KLF12: variants seen among roughly 807,000 people sequenced by gnomAD.
KLF12 encodes the protein KLF transcription factor 12.
KLF12 carries 9 observed loss-of-function variants against 37.8 expected under a neutral mutation model. The ratio of observed to expected loss-of-function variants is 0.24; its 90% CI spans 0.14 to 0.42. The LOEUF is 0.42. Ranked by LOEUF, KLF12 falls within the 10% of genes least tolerant of loss-of-function variation. The probability of loss-of-function intolerance (pLI) is 1.00; values close to 1 mark genes in which losing one functional copy is unlikely to be tolerated. For missense variants in KLF12, 411 were observed against 516.0 expected, an observed-to-expected ratio of 0.80 and a Z score of 1.97; for synonymous variants, 208 against 202.1, an observed-to-expected ratio of 1.03 and a Z score of -0.25.
intron 3 of KLF12, among the ~76,000 whole-genome samples, chr13:73,885,772 C>T (rs1887190752): frequency 6.6e-6 from 1 of 152,160 alleles, no homozygotes. Flanking sequence ...AAACCTGGTA[C>T]ACAGAGAATA....
At chr13:74,212,268 A>G in the KLF12 span, among the ~76,000 whole-genome samples, 2 of 152,330 alleles carry the variant, frequency 1.3e-5, no homozygotes, top group Non-Finnish European at 2.9e-5. Flanking sequence ...TAATTATATC[A>G]TTAAAACAGT....
chr13:73,849,119 A>C (rs2138709126), intron 3 of KLF12, among the ~76,000 whole-genome samples: 1 of 152,142 alleles, frequency 6.6e-6, no homozygotes, highest in Middle Eastern at 3.4e-3. Context: ...CAAAACAGCT[A>C]TGGCACATAC....
the KLF12 span, among the ~76,000 whole-genome samples, chr13:74,165,299 CTTTTT>C: frequency 2.0e-5 from 2 of 98,316 alleles, no homozygotes; most frequent in Non-Finnish European, 2.0e-5. Flanking sequence ...ATTTTCTTTT[CTTTTT>C]TTTTTTTTTT....
chr13:73,969,126 G>A (rs867095702), intron 2 of KLF12, among the ~76,000 whole-genome samples: 1 of 152,018 alleles, frequency 6.6e-6, no homozygotes, highest in Non-Finnish European at 1.5e-5. Context: ...GGTGGGTGCT[G>A]CATCAGGAGG....
intron 1 of KLF12, among the ~76,000 whole-genome samples, chr13:74,080,491 A>G (rs1874816032): frequency 1.3e-5 from 2 of 151,822 alleles, no homozygotes; most frequent in Non-Finnish European, 2.9e-5. Flanking sequence ...ACACAATTTA[A>G]CTGTACGTTT....
the KLF12 span, among the ~76,000 whole-genome samples, chr13:74,190,925 T>G: frequency 2.6e-5 from 4 of 152,104 alleles, no homozygotes; most frequent in South Asian, 2.1e-4. Flanking sequence ...TTCAAAGACC[T>G]TTTTTTCCAC....
chr13:73,755,019 T>C (rs928145554), intron 6 of KLF12, among the ~76,000 whole-genome samples: 1 of 152,224 alleles, frequency 6.6e-6, no homozygotes, highest in African/African-American at 2.4e-5. Context: ...CTGTGCAGTT[T>C]GGGGAAGATT....
intron 3 of KLF12, among the ~76,000 whole-genome samples, chr13:73,928,855 T>A (rs1889530748): frequency 6.6e-6 from 1 of 152,194 alleles, no homozygotes; most frequent in Non-Finnish European, 1.5e-5. Context: ...GTGGCAATGA[T>A]CACCACAAGA....
the KLF12 span, among the ~76,000 whole-genome samples, chr13:74,230,136 G>A: frequency 0.024 from 3,661 of 152,164 alleles, 142 homozygotes; most frequent in African/African-American, 0.081. Context: ...GGACCTGGTC[G>A]GAGGTAATTG....
intron 1 of KLF12, among the ~76,000 whole-genome samples, chr13:74,132,384 A>T (rs1169852171): frequency 6.6e-6 from 1 of 152,358 alleles, no homozygotes; most frequent in East Asian, 1.9e-4. Flanking sequence ...AAGTCACTAG[A>T]TGCACACGCA....
the KLF12 span, among the ~76,000 whole-genome samples, chr13:74,298,584 G>GA: frequency 6.6e-6 from 1 of 152,016 alleles, no homozygotes; most frequent in Non-Finnish European, 1.5e-5. Context: ...TTAGGAGTAG[G>GA]AAAAAAGAAG....
intron 6 of KLF12, among the ~76,000 whole-genome samples, chr13:73,733,290 C>T (rs559951204): frequency 1.6e-4 from 24 of 152,252 alleles, no homozygotes; most frequent in Non-Finnish European, 2.6e-4. Context: ...TCTGTTTCCA[C>T]TATATATTAA....
intron 1 of KLF12, among the ~76,000 whole-genome samples, chr13:74,056,087 G>C (rs1873227736): frequency 6.6e-6 from 1 of 152,178 alleles, no homozygotes; most frequent in Non-Finnish European, 1.5e-5. Context: ...GCAGAAGGAG[G>C]TAAGAGTCCA....
chr13:74,008,367 G>C (rs1593826117), intron 1 of KLF12, among the ~76,000 whole-genome samples: 1 of 152,144 alleles, frequency 6.6e-6, no homozygotes, highest in Non-Finnish European at 1.5e-5. Flanking sequence ...CAAGCAACTG[G>C]AAACACATCT....
At chr13:73,922,565 C>G (rs901553938) in intron 3 of KLF12, among the ~76,000 whole-genome samples, 1 of 152,140 alleles carries the variant, frequency 6.6e-6, no homozygotes, top group Admixed American at 6.5e-5. Context: ...TCTGTCTCTT[C>G]TTACAACCAG....
At chr13:73,926,411 A>G (rs1476839785) in intron 3 of KLF12, among the ~76,000 whole-genome samples, 1 of 152,206 alleles carries the variant, frequency 6.6e-6, no homozygotes, top group African/African-American at 2.4e-5. Context: ...AAATTAAGGT[A>G]TATACATTGT....
chr13:74,282,663 A>G, the KLF12 span, among the ~76,000 whole-genome samples: 19 of 152,224 alleles, frequency 1.2e-4, no homozygotes, highest in Non-Finnish European at 2.5e-4. Context: ...GGAAGTATGG[A>G]AATAATAACT....
intron 4 of KLF12, among the ~76,000 whole-genome samples, chr13:73,820,612 G>C (rs1246250538): frequency 6.6e-6 from 1 of 152,154 alleles, no homozygotes; most frequent in African/African-American, 2.4e-5. Flanking sequence ...AACCCCAGAT[G>C]ACTATTTAAA....
chr13:74,000,231 T>C (rs78719660), intron 1 of KLF12, among the ~76,000 whole-genome samples: 5,903 of 152,290 alleles, frequency 0.039, 153 homozygotes, highest in African/African-American at 0.065. Flanking sequence ...GGAAAAGCTA[T>C]GTCCGAAACC....
Sources: gnomAD v4.1 joint callset for allele counts (sites outside exome capture counted in the v4.1 genomes callset) on GRCh38, gnomAD v4.1.1 for gene constraint, MANE v1.5 for transcripts, NCBI Gene and HGNC (gene_info 2026-07-23, HGNC 2026-07-21) for gene names.